Variants in DCAF7 observed in about 807,000 individuals in gnomAD.
The protein encoded by DCAF7 is DDB1- and CUL4-associated factor 7.
A neutral mutation model predicts 41.2 loss-of-function variants in DCAF7; 4 were observed. The ratio of observed to expected loss-of-function variants is 0.10; its 90% CI spans 0.05 to 0.22. DCAF7 has a LOEUF of 0.22. Among genes scored for constraint, DCAF7 ranks in the 10% least tolerant of loss-of-function variants. The pLI, the probability that DCAF7 is intolerant of heterozygous loss-of-function variation, is 1.00. For missense variants in DCAF7, 131 were observed against 443.2 expected, an observed-to-expected ratio of 0.30 and a Z score of 6.32; for synonymous variants, 143 against 164.2, an observed-to-expected ratio of 0.87 and a Z score of 0.99.
At chr17:63,582,642 T>C (rs2033635883) in intron 4 of DCAF7, among the ~76,000 whole-genome samples, 1 of 152,106 alleles carries the variant, frequency 6.6e-6, no homozygotes, top group Admixed American at 6.5e-5. Context: ...CTAATTTTTT[T>C]GTATTTTTAG....
chr17:63,582,193 C>T (rs923778204), intron 4 of DCAF7, among the ~76,000 whole-genome samples: 3 of 152,160 alleles, frequency 2.0e-5, no homozygotes, highest in African/African-American at 4.8e-5. Context: ...TTTTGAACCA[C>T]TTCTACTTCC....
At chr17:63,559,427 A>G (rs375960210) in intron 1 of DCAF7, among the ~76,000 whole-genome samples, 23,805 of 104,346 alleles carry the variant, frequency 0.23, 2,861 homozygotes, top group Middle Eastern at 0.37. Context: ...ATACGTATAT[A>G]TATATGTGTG....
At chr17:63,587,035 C>G (rs1045253417) in intron 6 of DCAF7, among the ~76,000 whole-genome samples, 1 of 152,184 alleles carries the variant, frequency 6.6e-6, no homozygotes, top group Non-Finnish European at 1.5e-5. Flanking sequence ...TCCTTTTGCA[C>G]TGATAGGATT....
chr17:63,582,377 T>C (rs561208661), intron 4 of DCAF7, among the ~76,000 whole-genome samples: 1 of 152,342 alleles, frequency 6.6e-6, no homozygotes, highest in South Asian at 2.1e-4. Context: ...TCAGCTGTTA[T>C]TATCCCCAGA....
At chr17:63,567,185 A>C (rs1038927868) in intron 1 of DCAF7, among the ~76,000 whole-genome samples, 1 of 152,214 alleles carries the variant, frequency 6.6e-6, no homozygotes, top group Non-Finnish European at 1.5e-5. Flanking sequence ...ACCAAATAGC[A>C]TCAGTAAGGA....
chr17:63,550,689 C>G lies in DCAF7; in HGVS notation c.12C>G (p.His4Gln). The change falls in exon 1 of 7, where the codon CAC (histidine) becomes CAG (glutamine). Residue 4 changes from histidine to glutamine, a missense_variant. Coordinates refer to ENST00000614556, the MANE Select transcript of DCAF7 (RefSeq NM_005828.5). The surrounding 1 kb of genome is among the most constrained non-coding windows in gnomAD (Gnocchi z 4.8). MSLHGKRKEIYKYE... is the reference protein window; with the variant it reads MSLQGKRKEIYKYE... ...GCCCCGTGGCCACCATGTCCCTGCA[C>G]GGCAAACGGAAGGAGATCTACAAGT... The G allele has an allele frequency of 1.9e-6, 3 of 1,613,388 alleles. No individual in the cohort carries two copies. Among genetic ancestry groups the G allele is most frequent in the Non-Finnish European group, 2.5e-6 (3 of 1,179,760 alleles).
intron 1 of DCAF7, among the ~76,000 whole-genome samples, chr17:63,559,332 TACATACATATATATAC>T (rs1335187819): frequency 6.7e-4 from 50 of 74,806 alleles, no homozygotes; most frequent in Non-Finnish European, 1.1e-3. Context: ...TATATATATA[TACATACATATATATAC>T]GTATATATAT....
intron 6 of DCAF7, among the ~76,000 whole-genome samples, chr17:63,587,461 C>G (rs2033689172): frequency 6.6e-6 from 1 of 152,142 alleles, no homozygotes. Flanking sequence ...CTGCCTTTGT[C>G]TGGCTCGCTG....
chr17:63,565,744 T>C (rs2033433246), intron 1 of DCAF7, among the ~76,000 whole-genome samples: 1 of 152,144 alleles, frequency 6.6e-6, no homozygotes, highest in African/African-American at 2.4e-5. Flanking sequence ...ACTTGGTCCA[T>C]GTAAGTGCTC....
chr17:63,583,422 C>A, intron 4 of DCAF7, 80 bp from the exon 5 acceptor site: 1 of 1,275,928 alleles, frequency 7.8e-7, no homozygotes. Flanking sequence ...TTTAGATGAA[C>A]TGGACGTGGC....
intron 1 of DCAF7, among the ~76,000 whole-genome samples, chr17:63,574,386 G>A (rs1236672287): frequency 1.3e-5 from 2 of 152,160 alleles, no homozygotes; most frequent in African/African-American, 4.8e-5. Flanking sequence ...TTAGGACACT[G>A]GGTTTTGTCT....
At chr17:63,555,051 C>G (rs2033296595) in intron 1 of DCAF7, among the ~76,000 whole-genome samples, 1 of 152,162 alleles carries the variant, frequency 6.6e-6, no homozygotes, top group Non-Finnish European at 1.5e-5. Context: ...ACCTGGCTTA[C>G]CTACGTAAGT....
chr17:63,588,188 G>GTTTTTTTTTTTTTTTTTTTTTTTTTTTTT (rs1568106611), intron 6 of DCAF7, among the ~76,000 whole-genome samples: 1 of 122,002 alleles, frequency 8.2e-6, no homozygotes, highest in African/African-American at 4.7e-5. Flanking sequence ...TATTTTCTTG[G>GTTTTTTTTTTTTTTTTTTTTTTTTTTTTT]ATTTTTTTTT....
chr17:63,587,288 T>C (rs907049760), intron 6 of DCAF7, among the ~76,000 whole-genome samples: 1 of 152,084 alleles, frequency 6.6e-6, no homozygotes, highest in African/African-American at 2.4e-5. Context: ...CTGCCTTCTG[T>C]ACCTCAGATT....
intron 1 of DCAF7, among the ~76,000 whole-genome samples, chr17:63,551,929 A>AAAAAAAAAAAAAAC (rs2033261002): frequency 8.2e-6 from 1 of 122,388 alleles, no homozygotes. Context: ...AAAAAAAAAA[A>AAAAAAAAAAAAAAC]AAGCCGGGCG....
rs1040372753 is a variant in DCAF7, at chr17:63,558,790, G to A, written c.138+7975G>A. Among the ~76,000 whole-genome samples the A allele has an allele frequency of 3.9e-5, 6 of 152,130 alleles. No individual in the cohort carries two copies. The East Asian group carries it at 7.7e-4, about 20-fold the overall frequency. On this transcript the variant is annotated intron_variant, in intron 1 of 6. Transcript: ENST00000614556. ...CCAGATTTTTAATAATGGTTTTTTA[G>A]AACCAGGCAAACTGATTGTTTCTAC...
rs1292156667 is a variant in DCAF7 at position 63,594,222 on chromosome 17, C to T, written c.*5050C>T. ...TTTCAGCCTCCTGTATAAGAAGTAC[C>T]GTATTTTCTGCCCATCATACTTTGT... On this transcript the variant is annotated 3_prime_UTR_variant, in exon 7 of 7. Coordinates refer to ENST00000614556, the MANE Select transcript of DCAF7 (RefSeq NM_005828.5). 2.0e-5 allele frequency: 3 copies of T among 152,546 alleles called. No homozygotes were observed. The highest frequency in any genetic ancestry group is 4.4e-5 in the Non-Finnish European group (3 of 68,016). 9.4% of individuals were successfully genotyped at this position (152,546 alleles called of 1,614,324 possible).
intron 5 of DCAF7, 87 bp from the exon 6 acceptor site, chr17:63,585,124 A>C (rs954945050): frequency 7.3e-6 from 8 of 1,094,218 alleles, no homozygotes; most frequent in South Asian, 1.4e-5. Context: ...AATTATGCCT[A>C]AAAAGATTTT....
chr17:63,561,463 T>C (rs1158012399), intron 1 of DCAF7, among the ~76,000 whole-genome samples: 3 of 152,150 alleles, frequency 2.0e-5, no homozygotes, highest in Admixed American at 6.5e-5. Flanking sequence ...TTCACACCTG[T>C]AATCCCAGCG....
Sources: allele counts gnomAD v4.1 joint callset (sites outside exome capture counted in the v4.1 genomes callset), GRCh38; gene constraint gnomAD v4.1.1; non-coding constraint Gnocchi (gnomAD v3.1); transcripts MANE v1.5; gene names NCBI Gene and HGNC (gene_info 2026-07-23, HGNC 2026-07-21).